The following IMPACT variants were observed in gnomAD, a reference collection of about 807,000 sequenced individuals.
IMPACT encodes the protein protein IMPACT.
A neutral mutation model predicts 47.5 loss-of-function variants in IMPACT; 35 were observed. The observed-to-expected ratio is 0.74, with a 90% confidence interval of 0.56 to 0.98. IMPACT has a LOEUF of 0.98. Among genes scored for constraint, IMPACT ranks in the 50% least tolerant of loss-of-function variants. IMPACT has a pLI of 0.00. For missense variants in IMPACT, 373 were observed against 394.8 expected, an observed-to-expected ratio of 0.94 and a Z score of 0.47; for synonymous variants, 118 against 125.6, an observed-to-expected ratio of 0.94 and a Z score of 0.40.
chr18:24,434,889 T>TATATGTGTATAG, intron 4 of IMPACT, among the ~76,000 whole-genome samples: 1 of 54,824 alleles, frequency 1.8e-5, no homozygotes. Context: ...TATGTGTATA[T>TATATGTGTATAG]ATATGTGTAT....
chr18:24,450,019 C>T, intron 10 of IMPACT, 66 bp downstream of exon 10: 1 of 1,530,180 alleles, frequency 6.5e-7, no homozygotes, highest in Non-Finnish European at 9.0e-7. Context: ...TTTAAAAAGA[C>T]AGAAAATTAA....
chr18:24,445,564 C>A, intron 8 of IMPACT, 98 bp downstream of exon 8: 1 of 655,198 alleles, frequency 1.5e-6, no homozygotes, highest in Non-Finnish European at 2.5e-6. Context: ...GTATTTTTTC[C>A]ATTGTAATAG....
intron 3 of IMPACT, 53 bp from the exon 4 acceptor site, chr18:24,430,269 A>T (rs1908717947): frequency 3.4e-6 from 4 of 1,192,692 alleles, no homozygotes; most frequent in Middle Eastern, 2.1e-4. Context: ...CTGTAATTTG[A>T]GGTATAAACA....
chr18:24,447,125 A>G (rs1326696959), intron 8 of IMPACT, among the ~76,000 whole-genome samples: 1 of 152,234 alleles, frequency 6.6e-6, no homozygotes, highest in Non-Finnish European at 1.5e-5. Context: ...TTCATAGTAG[A>G]TGGTCAGTAA....
At chr18:24,449,551 C>T (rs1444181691) in intron 9 of IMPACT, among the ~76,000 whole-genome samples, 1 of 152,182 alleles carries the variant, frequency 6.6e-6, no homozygotes, top group Non-Finnish European at 1.5e-5. Context: ...GTCTCCCCTT[C>T]ACTCTGTCCA....
intron 2 of IMPACT, among the ~76,000 whole-genome samples, chr18:24,428,403 G>A (rs914605338): frequency 6.6e-6 from 1 of 152,220 alleles, no homozygotes; most frequent in East Asian, 1.9e-4. Flanking sequence ...GACTCGTAGA[G>A]GAGACAGTCA....
chr18:24,428,126 G>A (rs1439985626), intron 2 of IMPACT, 79 bp downstream of exon 2: 5 of 1,280,540 alleles, frequency 3.9e-6, no homozygotes, highest in Non-Finnish European at 5.3e-6. Flanking sequence ...TCTAATGATT[G>A]TGTTGTTTTC....
At chr18:24,441,186 A>G (rs1421083667) in intron 6 of IMPACT, among the ~76,000 whole-genome samples, 1 of 152,194 alleles carries the variant, frequency 6.6e-6, no homozygotes, top group South Asian at 2.1e-4. Flanking sequence ...GCTTGAGTTC[A>G]GTTTTTGTTT....
At chr18:24,441,116 G>C (rs1909099268) in intron 6 of IMPACT, among the ~76,000 whole-genome samples, 1 of 152,224 alleles carries the variant, frequency 6.6e-6, no homozygotes, top group South Asian at 2.1e-4. Context: ...CTGGGCTCAA[G>C]TGATCCTTCT....
In IMPACT at chr18:24,438,043, AG is replaced by A; in HGVS notation, c.367+5del. On this transcript the variant is annotated splice_donor_region_variant and intron_variant, in intron 5 of 10. Coordinates refer to ENST00000284202, the MANE Select transcript of IMPACT (RefSeq NM_018439.4). ...AAAATCTCAGATGACAGAACCAGGT[AG>A]GATTGAAAAATACTATCAATACTCT... is the stretch of plus-strand genomic sequence containing the variant. 1 of 1,394,272 alleles carries A rather than the reference AG, an allele frequency of 7.2e-7. No homozygotes were observed. The highest frequency in any genetic ancestry group is 1.0e-6 in the Non-Finnish European group (1 of 995,708). 86.4% of individuals were successfully genotyped at this position (1,394,272 alleles called of 1,614,324 possible).
intron 5 of IMPACT, 44 bp from the exon 6 acceptor site, chr18:24,440,452 T>C (rs1348577806): frequency 1.3e-6 from 2 of 1,597,710 alleles, no homozygotes; most frequent in Admixed American, 3.5e-5. Context: ...AAAGCATCGT[T>C]TCTTACCTGC....
intron 10 of IMPACT, among the ~76,000 whole-genome samples, chr18:24,450,349 G>A (rs1000402162): frequency 6.6e-6 from 1 of 152,134 alleles, no homozygotes; most frequent in East Asian, 1.9e-4. Flanking sequence ...TTCTCTGTTA[G>A]TGTCAAAACA....
chr18:24,433,246 G>A (rs1159773639), intron 4 of IMPACT, among the ~76,000 whole-genome samples: 4 of 120,058 alleles, frequency 3.3e-5, no homozygotes, highest in Non-Finnish European at 4.8e-5. Flanking sequence ...AGGCCGGACT[G>A]CGGACTGCAG....
intron 10 of IMPACT, among the ~76,000 whole-genome samples, chr18:24,450,558 A>G (rs757789824): frequency 2.0e-5 from 3 of 152,176 alleles, no homozygotes; most frequent in Non-Finnish European, 4.4e-5. Flanking sequence ...ATTATTCTTG[A>G]TTGTTTAAAA....
At chr18:24,433,020 A>G (rs1908797173) in intron 4 of IMPACT, among the ~76,000 whole-genome samples, 1 of 152,048 alleles carries the variant, frequency 6.6e-6, no homozygotes. Flanking sequence ...TAACTAGTTC[A>G]CTTGAGCTAT....
intron 4 of IMPACT, among the ~76,000 whole-genome samples, chr18:24,434,830 A>G (rs1908870270): frequency 6.8e-6 from 1 of 147,020 alleles, no homozygotes; most frequent in Admixed American, 6.8e-5. Flanking sequence ...TGTATTATAT[A>G]AGTGTATATA....
chr18:24,435,350 A>G (rs1908900287), intron 4 of IMPACT: 1 of 152,238 alleles, frequency 6.6e-6, no homozygotes, highest in South Asian at 2.1e-4. Context: ...AAGTAAATAC[A>G]CTTAAAATAC....
chr18:24,442,295 A>G (rs1193548522), intron 6 of IMPACT, among the ~76,000 whole-genome samples: 1 of 151,950 alleles, frequency 6.6e-6, no homozygotes, highest in Non-Finnish European at 1.5e-5. Flanking sequence ...CTGGAATTAC[A>G]GGCACACGCC....
chr18:24,434,147 C>T (rs752440391), intron 4 of IMPACT, among the ~76,000 whole-genome samples: 2 of 151,996 alleles, frequency 1.3e-5, no homozygotes, highest in South Asian at 2.1e-4. Flanking sequence ...TGAGACCAGC[C>T]TGGGCAACAT....
Sources: gnomAD v4.1 joint callset for allele counts (sites outside exome capture counted in the v4.1 genomes callset) on GRCh38, gnomAD v4.1.1 for gene constraint, MANE v1.5 for transcripts, NCBI Gene and HGNC (gene_info 2026-07-23, HGNC 2026-07-21) for gene names.